The following RADIL variants were observed in gnomAD, a reference collection of about 807,000 sequenced individuals.
RADIL encodes the protein Rap associating with DIL domain, also known as ras-associating and dilute domain-containing protein.
A neutral mutation model predicts 97.6 loss-of-function variants in RADIL; 99 were observed. The observed-to-expected ratio is 1.01, with a 90% CI of 0.86 to 1.20. The LOEUF (loss-of-function observed/expected upper bound fraction) is 1.20, where lower values mean the gene tolerates loss of function less well. Ranked by LOEUF, RADIL falls within the 50% of genes most tolerant of loss-of-function variation. The pLI is 0.00. For synonymous variants in RADIL, 803 were observed against 691.8 expected (o/e 1.16, Z -2.52); for missense variants, 1,765 against 1,498.9 (o/e 1.18, Z -2.93).
chr7:4,875,499 C>T (rs1429234648), intron 2 of RADIL, among the ~76,000 whole-genome samples: 1 of 152,204 alleles, frequency 6.6e-6, no homozygotes, highest in Non-Finnish European at 1.5e-5. Flanking sequence ...CCTGTGAAGA[C>T]GGCGGGCCTT....
intron 11 of RADIL, among the ~76,000 whole-genome samples, chr7:4,803,147 C>CTGG (rs1396755490): frequency 3.1e-5 from 2 of 63,626 alleles, no homozygotes; most frequent in African/African-American, 3.3e-4. Context: ...GGCACTCTGG[C>CTGG]TGGGTCCCCT....
chr7:4,856,148 A>G (rs1783825098), intron 2 of RADIL, among the ~76,000 whole-genome samples: 1 of 151,008 alleles, frequency 6.6e-6, no homozygotes, highest in Non-Finnish European at 1.5e-5. Context: ...CCCAGGCTGG[A>G]GCGCAGTGGC....
chr7:4,836,607 T>C lies in RADIL; in HGVS notation c.536-2A>G, dbSNP rs1783307303. The C allele has an allele frequency of 6.2e-7, 1 of 1,606,328 alleles. No individual in the cohort carries two copies. The highest frequency in any genetic ancestry group is 1.1e-5 in the South Asian group (1 of 91,056). ...GCCTCCGGGCCTGGGCGTTTATCCC[T>C]GGAACAGAAGCAACACAAGGTGAAC... On this transcript the variant is annotated splice_acceptor_variant, in intron 2 of 14. Transcript: ENST00000399583. LOFTEE classifies it high-confidence loss of function.
intron 10 of RADIL, 154 bp from the exon 11 acceptor site, chr7:4,803,908 T>C: frequency 1.3e-6 from 1 of 746,474 alleles, no homozygotes; most frequent in Non-Finnish European, 2.3e-6. Flanking sequence ...CTGGCCACAG[T>C]GACTGGCCCC....
intron 2 of RADIL, chr7:4,865,828 G>C: frequency 1.4e-6 from 1 of 738,112 alleles, no homozygotes. Context: ...AGAAAGGGAG[G>C]TGAGTGAACC....
At position 4,799,753 on chromosome 7, in the gene RADIL, G is replaced by A. The variant is rs1431592337; in HGVS notation, c.2999C>T (p.Ala1000Val). The change falls in exon 14 of 15, where the codon GCC becomes GTC. Residue 1000 changes from alanine to valine, a missense_variant. Coordinates refer to ENST00000399583, the MANE Select transcript of RADIL (RefSeq NM_018059.5). ...CAGGGTCTGGATGTAGAGCCCGGGG[G>A]CGCCCAGGTGCGTGTGCTGGGGACA... Reference protein sequence around the residue: ...LIDGMHTHLGAPGLYIQTLLP... With the variant: ...LIDGMHTHLGVPGLYIQTLLP... The A allele has an allele frequency of 1.2e-5, 19 of 1,540,722 alleles. No homozygotes were observed. The highest frequency in any genetic ancestry group is 2.4e-5 in the East Asian group (1 of 41,456).
chr7:4,826,749 A>C (rs1411873846), intron 5 of RADIL, among the ~76,000 whole-genome samples: 6 of 152,020 alleles, frequency 3.9e-5, no homozygotes, highest in Admixed American at 1.3e-4. Context: ...AAAAAACAAA[A>C]AAAAAAACCC....
At position 4,883,341 on chromosome 7, in the gene RADIL, C is replaced by A. The variant is rs1296330173; in HGVS notation, c.-65+255G>T. On this transcript the variant is annotated intron_variant, in intron 1 of 14. Transcript: ENST00000399583. The surrounding 1 kb of genome is among the most constrained non-coding windows in gnomAD (Gnocchi z 7.1). ...GGGTCGGCAGCGCGGACCCCCGGAT[C>A]CCCGCAGGCTGGGCCGCCCTTGCCC... Among the ~76,000 whole-genome samples, 1 of 152,136 alleles carries A rather than the reference C, an allele frequency of 6.6e-6. No homozygotes were observed. The highest frequency in any genetic ancestry group is 2.4e-5 in the African/African-American group (1 of 41,448).
intron 10 of RADIL, among the ~76,000 whole-genome samples, chr7:4,804,809 C>T (rs1782239423): frequency 6.6e-6 from 1 of 151,026 alleles, no homozygotes; most frequent in Non-Finnish European, 1.5e-5. Flanking sequence ...ATAAAAGGCA[C>T]CCTCGGCCAG....
chr7:4,804,763 G>T (rs1180197769), intron 10 of RADIL, among the ~76,000 whole-genome samples: 1 of 149,940 alleles, frequency 6.7e-6, no homozygotes, highest in Non-Finnish European at 1.5e-5. Context: ...CTCCAGCCTG[G>T]TGACAGAGTG....
rs1304712207 is a variant in RADIL at position 4,879,610 on chromosome 7, A to C, written c.-64-1407T>G. Among the ~76,000 whole-genome samples the C allele has an allele frequency of 6.6e-6, 1 of 152,202 alleles. No homozygotes were observed. Among genetic ancestry groups the C allele is most frequent in the Non-Finnish European group, 1.5e-5 (1 of 68,040 alleles). ...CGGGGTCAGTACTAAACACCGCAGC[A>C]GCCAACTGTCACTGTCCAGGCTTGA... On this transcript the variant is annotated intron_variant, in intron 1 of 14. Transcript: ENST00000399583. The surrounding 1 kb of genome is among the most constrained non-coding windows in gnomAD (Gnocchi z 4.1).
At chr7:4,858,677 TC>T (rs1214465400) in intron 2 of RADIL, 1 of 152,632 alleles carries the variant, frequency 6.6e-6, no homozygotes, top group Non-Finnish European at 1.5e-5. Context: ...TATGCAGTGA[TC>T]AAATGGTCAT....
In RADIL at chr7:4,816,384, C is replaced by T. The variant is rs936169628; in HGVS notation, c.1810G>A (p.Glu604Lys). 5.0e-6 allele frequency: 8 copies of T among 1,609,670 alleles called. No homozygotes were observed. The highest frequency in any genetic ancestry group is 4.5e-5 in the East Asian group (2 of 44,762). ...ERRESWSSAP[E>K]LPEELRRVVS... Reference sequence around the variant, plus strand: ...ACGCGGCGCAGCTCCTCGGGCAGTTCGGGGGCCGAGGACCAGCTCTCACGG... The same window carrying T: ...ACGCGGCGCAGCTCCTCGGGCAGTTTGGGGGCCGAGGACCAGCTCTCACGG... Residue 604 changes from glutamate to lysine, a missense_variant, in exon 8 of 15, where the codon GAA (glutamate) becomes AAA (lysine). Coordinates refer to ENST00000399583, the MANE Select transcript of RADIL (RefSeq NM_018059.5).
chr7:4,808,545 AAGG>A, intron 9 of RADIL: 1 of 971,388 alleles, frequency 1.0e-6, no homozygotes, highest in East Asian at 1.1e-4. Context: ...CAAAACAAAG[AAGG>A]AGATGGGACA....
intron 1 of RADIL, among the ~76,000 whole-genome samples, chr7:4,882,743 A>T (rs1024826715): frequency 6.6e-6 from 1 of 152,150 alleles, no homozygotes; most frequent in African/African-American, 2.4e-5. Context: ...TTTAATTCTG[A>T]CCTGCTAGCT....
At chr7:4,805,877 C>T in intron 9 of RADIL, 161 bp from the exon 10 acceptor site, 1 of 985,360 alleles carries the variant, frequency 1.0e-6, no homozygotes, top group African/African-American at 1.7e-5. Context: ...GTCACAGCAG[C>T]AGTTCACCCC....
At chr7:4,829,507 C>T (rs1783082970) in intron 5 of RADIL, among the ~76,000 whole-genome samples, 1 of 152,192 alleles carries the variant, frequency 6.6e-6, no homozygotes, top group Non-Finnish European at 1.5e-5. Flanking sequence ...GGGTGGACAT[C>T]AGCAGGCACA....
In RADIL at chr7:4,842,314, G is replaced by C. The variant is rs1021385575; in HGVS notation, c.536-5709C>G. 1.3e-5 allele frequency among the ~76,000 whole-genome samples: 2 copies of C among 152,164 alleles called. No individual in the cohort carries two copies. Among genetic ancestry groups the C allele is most frequent in the Non-Finnish European group, 2.9e-5 (2 of 68,034 alleles). On this transcript the variant is annotated intron_variant, in intron 2 of 14. Transcript: ENST00000399583. This position sits in a 1 kb window ranked among gnomAD's most constrained non-coding sequence, Gnocchi z 4.5. Reference sequence around the variant, plus strand: ...GCTCCATGTCCCTGAAGCTCTGTTAGCGGCCTTCCTCCCCAGCCTGGGCCA... The same window carrying C: ...GCTCCATGTCCCTGAAGCTCTGTTACCGGCCTTCCTCCCCAGCCTGGGCCA...
chr7:4,810,656 G>A (rs1158861624), intron 9 of RADIL, among the ~76,000 whole-genome samples: 4 of 152,344 alleles, frequency 2.6e-5, no homozygotes, highest in African/African-American at 7.2e-5. Context: ...CATCTCCGTC[G>A]GGGAAATTGC....
Sources: allele counts gnomAD v4.1 joint callset (sites outside exome capture counted in the v4.1 genomes callset), GRCh38; gene constraint gnomAD v4.1.1; non-coding constraint Gnocchi (gnomAD v3.1); transcripts MANE v1.5; gene names NCBI Gene and HGNC (gene_info 2026-07-23, HGNC 2026-07-21).